The following IL1RAPL1 variants were observed in gnomAD, a reference collection of about 807,000 sequenced individuals.
IL1RAPL1 encodes the protein interleukin-1 receptor accessory protein-like 1.
IL1RAPL1 carries 3 observed loss-of-function variants against 48.4 expected under a neutral mutation model. That is an observed-to-expected ratio of 0.06 (90% CI 0.03 to 0.16). The LOEUF (loss-of-function observed/expected upper bound fraction) is 0.16. Among genes scored for constraint, IL1RAPL1 ranks in the 10% least tolerant of loss-of-function variants. IL1RAPL1 has a pLI of 1.00. For missense variants in IL1RAPL1, 349 were observed against 530.6 expected (o/e 0.66, Z 3.36); for synonymous variants, 185 against 187.7 (o/e 0.99, Z 0.12).
At chrX:29,785,439 A>G (rs747183733) in intron 6 of IL1RAPL1, among the ~76,000 whole-genome samples, 2 of 112,437 alleles carry the variant, frequency 1.8e-5, no homozygotes, top group Non-Finnish European at 3.8e-5. Flanking sequence ...AATGCTTGAT[A>G]GTTTTTTAAT....
At chrX:29,513,785 A>G (rs7891467) in intron 5 of IL1RAPL1, among the ~76,000 whole-genome samples, 51,279 of 110,759 alleles carry the variant, frequency 0.46, 8,653 homozygotes, top group East Asian at 0.7. Context: ...TTATCAGTGC[A>G]TTTGTAAAGC....
chrX:29,188,222 T>C (rs954713839), intron 2 of IL1RAPL1, among the ~76,000 whole-genome samples: 1 of 111,955 alleles, frequency 8.9e-6, no homozygotes, highest in African/African-American at 3.2e-5. Context: ...TGCATGTCTC[T>C]TCCTTTGTGA....
chrX:29,422,661 T>A (rs1602227773), intron 5 of IL1RAPL1, among the ~76,000 whole-genome samples: 2 of 112,034 alleles, frequency 1.8e-5, no homozygotes, highest in African/African-American at 6.5e-5. Context: ...GCAAGTTGAC[T>A]TTTAGAGTTA....
intron 5 of IL1RAPL1, among the ~76,000 whole-genome samples, chrX:29,501,912 C>T (rs2147760484): frequency 9.2e-6 from 1 of 108,178 alleles, no homozygotes; most frequent in South Asian, 4.0e-4. Flanking sequence ...CTTTGAGTAG[C>T]ATTGTCATTT....
At chrX:29,025,019 G>C (rs1926453763) in intron 2 of IL1RAPL1, among the ~76,000 whole-genome samples, 1 of 111,231 alleles carries the variant, frequency 9.0e-6, no homozygotes, top group Non-Finnish European at 1.9e-5. Flanking sequence ...TGTTTCTATA[G>C]GTTTGCCTAT....
At chrX:29,605,318 A>ATTTG (rs959137547) in intron 5 of IL1RAPL1, among the ~76,000 whole-genome samples, 9 of 111,323 alleles carry the variant, frequency 8.1e-5, no homozygotes, top group African/African-American at 2.9e-4. Context: ...ACTTCCCCTT[A>ATTTG]TTTGTTTAAG....
intron 5 of IL1RAPL1, among the ~76,000 whole-genome samples, chrX:29,655,087 A>T (rs1459416056): frequency 1.8e-5 from 2 of 111,587 alleles, no homozygotes; most frequent in Non-Finnish European, 3.8e-5. Flanking sequence ...TCATGTAATC[A>T]TTAAAGAGTT....
chrX:28,727,572 T>C (rs1327272116), intron 1 of IL1RAPL1, among the ~76,000 whole-genome samples: 2 of 105,793 alleles, frequency 1.9e-5, no homozygotes, highest in Non-Finnish European at 3.9e-5. Flanking sequence ...CAACACTATG[T>C]TGAATAGGAG....
intron 2 of IL1RAPL1, among the ~76,000 whole-genome samples, chrX:29,002,848 A>T (rs1326603178): frequency 9.0e-6 from 1 of 110,647 alleles, no homozygotes; most frequent in Non-Finnish European, 1.9e-5. Context: ...AAAAATACAA[A>T]CATAAGCTGC....
intron 2 of IL1RAPL1, among the ~76,000 whole-genome samples, chrX:28,854,609 A>G (rs890041068): frequency 1.8e-5 from 2 of 111,562 alleles, no homozygotes; most frequent in Non-Finnish European, 3.8e-5. Flanking sequence ...ACTGGAATGC[A>G]TGTGATGACA....
At chrX:29,853,280 C>G (rs896830296) in intron 6 of IL1RAPL1, among the ~76,000 whole-genome samples, 2 of 107,126 alleles carry the variant, frequency 1.9e-5, no homozygotes, top group African/African-American at 6.8e-5. Context: ...GTCCCTTGAG[C>G]CTAGGAATTC....
chrX:29,557,402 G>T (rs1922039571), intron 5 of IL1RAPL1, among the ~76,000 whole-genome samples: 1 of 111,646 alleles, frequency 9.0e-6, no homozygotes, highest in African/African-American at 3.2e-5. Context: ...ACAAAAAATT[G>T]TATGTATTTA....
intron 2 of IL1RAPL1, among the ~76,000 whole-genome samples, chrX:28,793,763 C>T (rs1936580797): frequency 9.0e-6 from 1 of 110,873 alleles, no homozygotes; most frequent in Non-Finnish European, 1.9e-5. Context: ...GTTTGGGATA[C>T]TGAAGAAAAA....
At chrX:29,436,958 A>G (rs192020753) in intron 5 of IL1RAPL1, among the ~76,000 whole-genome samples, 1 of 110,686 alleles carries the variant, frequency 9.0e-6, no homozygotes, top group African/African-American at 3.2e-5. Context: ...AATTAGTACC[A>G]TGTAATTTGG....
chrX:28,879,770 G>A (rs1326923292), intron 2 of IL1RAPL1, among the ~76,000 whole-genome samples: 1 of 112,009 alleles, frequency 8.9e-6, no homozygotes, highest in African/African-American at 3.2e-5. Flanking sequence ...CAAGAAAAAT[G>A]CACTCAACTT....
intron 5 of IL1RAPL1, among the ~76,000 whole-genome samples, chrX:29,604,363 C>A (rs1923821066): frequency 1.8e-5 from 2 of 112,235 alleles, no homozygotes; most frequent in Admixed American, 9.4e-5. Context: ...ATATTTTCTT[C>A]TAGTATTCCA....
At chrX:29,440,200 A>T (rs932961678) in intron 5 of IL1RAPL1, among the ~76,000 whole-genome samples, 2 of 110,759 alleles carry the variant, frequency 1.8e-5, no homozygotes, top group African/African-American at 6.5e-5. Context: ...AAGAGATATA[A>T]TAGTCATTAA....
intron 2 of IL1RAPL1, among the ~76,000 whole-genome samples, chrX:29,215,719 G>A (rs746708250): frequency 8.9e-6 from 1 of 111,925 alleles, no homozygotes; most frequent in South Asian, 3.7e-4. Context: ...TTGAGGCTAT[G>A]TCTTTTTTTA....
At chrX:29,585,807 GTA>G (rs1402078399) in intron 5 of IL1RAPL1, among the ~76,000 whole-genome samples, 3 of 112,027 alleles carry the variant, frequency 2.7e-5, no homozygotes, top group Non-Finnish European at 5.6e-5. Context: ...TTGGCCATTT[GTA>G]TGTCTTCTTT....
Sources: allele counts gnomAD v4.1 joint callset (sites outside exome capture counted in the v4.1 genomes callset), GRCh38; gene constraint gnomAD v4.1.1; transcripts MANE v1.5; gene names NCBI Gene and HGNC (gene_info 2026-07-23, HGNC 2026-07-21).